The following DDX60L variants were observed in gnomAD, a reference collection of about 807,000 sequenced individuals.
DDX60L encodes the protein DExD/H-box 60 like.
In DDX60L, 191 loss-of-function variants were observed where a neutral mutation model predicts 211.6. The observed-to-expected ratio is 0.90, with a 90% confidence interval of 0.80 to 1.02. DDX60L has a LOEUF of 1.02. Among genes scored for constraint, DDX60L ranks in the 50% least tolerant of loss-of-function variants. The pLI, the probability that DDX60L is intolerant of heterozygous loss-of-function variation, is 0.00. For synonymous variants in DDX60L, 706 were observed against 694.1 expected, an observed-to-expected ratio of 1.02 and a Z score of -0.27; for missense variants, 2,007 against 1,984.1, an observed-to-expected ratio of 1.01 and a Z score of -0.22.
chr4:168,388,120 T>C (rs942841319), intron 29 of DDX60L, among the ~76,000 whole-genome samples: 1 of 152,210 alleles, frequency 6.6e-6, no homozygotes, highest in Non-Finnish European at 1.5e-5. Context: ...CTATTTGAGA[T>C]ACAAATTCCT....
intron 36 of DDX60L, among the ~76,000 whole-genome samples, chr4:168,364,992 AAC>A (rs1180791957): frequency 3.3e-5 from 5 of 152,354 alleles, no homozygotes; most frequent in Non-Finnish European, 7.3e-5. Context: ...TGAGAATGGA[AAC>A]ACATTATAAC....
chr4:168,404,339 T>C (rs1747368027), intron 24 of DDX60L, among the ~76,000 whole-genome samples: 1 of 151,938 alleles, frequency 6.6e-6, no homozygotes, highest in African/African-American at 2.4e-5. Flanking sequence ...TATATGATAT[T>C]TTGTAGGTAC....
chr4:168,366,587 C>T (rs1740031205), intron 36 of DDX60L, among the ~76,000 whole-genome samples: 1 of 150,764 alleles, frequency 6.6e-6, no homozygotes, highest in Non-Finnish European at 1.5e-5. Context: ...ATACAATCTC[C>T]ATTAAAATAC....
At chr4:168,411,411 G>A (rs1253912205) in intron 22 of DDX60L, among the ~76,000 whole-genome samples, 1 of 152,156 alleles carries the variant, frequency 6.6e-6, no homozygotes, top group East Asian at 1.9e-4. Context: ...CTGTGCACTT[G>A]GAAGAGGGAA....
intron 10 of DDX60L, among the ~76,000 whole-genome samples, chr4:168,436,065 A>T (rs1042327602): frequency 1.3e-5 from 2 of 152,186 alleles, no homozygotes; most frequent in African/African-American, 4.8e-5. Flanking sequence ...TCCTACAATA[A>T]AAAATAAAGT....
At chr4:168,360,994 C>T (rs941020686) in intron 37 of DDX60L, among the ~76,000 whole-genome samples, 155 bp downstream of exon 37, 1 of 152,172 alleles carries the variant, frequency 6.6e-6, no homozygotes, top group African/African-American at 2.4e-5. Context: ...GTCTACAGAG[C>T]CTTTGGATAG....
chr4:168,423,788 C>T lies in DDX60L; in HGVS notation c.1931-14G>A, dbSNP rs1432989908. On this transcript the variant is annotated splice_polypyrimidine_tract_variant and intron_variant, in intron 14 of 37. Coordinates refer to ENST00000682922, the MANE Select transcript of DDX60L (RefSeq NM_001012967.3). ...TCGAAATTTTGCCTTGTTAAAGAAA[C>T]AATAAAATTGTTATAAAGAACACCA... The T allele has an allele frequency of 1.3e-6, 2 of 1,528,930 alleles. No individual in the cohort carries two copies. Among genetic ancestry groups the T allele is most frequent in the East Asian group, 2.3e-5 (1 of 42,876 alleles). 94.7% of individuals were successfully genotyped at this position (1,528,930 alleles called of 1,614,324 possible).
chr4:168,389,462 G>A (rs1744434514), intron 29 of DDX60L, among the ~76,000 whole-genome samples: 1 of 152,080 alleles, frequency 6.6e-6, no homozygotes, highest in Admixed American at 6.5e-5. Context: ...GCTGTGCTAG[G>A]AAAAATCACA....
intron 13 of DDX60L, among the ~76,000 whole-genome samples, chr4:168,429,285 C>T (rs762848258): frequency 1.4e-4 from 22 of 152,112 alleles, no homozygotes; most frequent in Non-Finnish European, 2.9e-4. Context: ...GCTGGGATTA[C>T]AGGCACCCGC....
intron 9 of DDX60L, 83 bp downstream of exon 9, chr4:168,448,555 T>C: frequency 1.9e-6 from 2 of 1,039,850 alleles, no homozygotes; most frequent in Non-Finnish European, 1.4e-6. Context: ...AACAAAAATG[T>C]TGCTGTGGTA....
chr4:168,391,706 C>A, intron 28 of DDX60L, 62 bp from the exon 29 acceptor site: 2 of 851,696 alleles, frequency 2.3e-6, no homozygotes, highest in South Asian at 4.0e-5. Flanking sequence ...GACACAAGAT[C>A]TATTTTCCAC....
intron 13 of DDX60L, among the ~76,000 whole-genome samples, chr4:168,427,915 T>C (rs2149918016): frequency 6.6e-6 from 1 of 152,342 alleles, no homozygotes; most frequent in Admixed American, 6.5e-5. Context: ...GTGTGGAGGC[T>C]GCTCCTAGGC....
rs1246210931 is a variant in DDX60L at position 168,391,630 on chromosome 4, A to G, written c.3825T>C (p.Thr1275=). 6 of 1,554,480 alleles carry G rather than the reference A, an allele frequency of 3.9e-6. No individual in the cohort carries two copies. In the African/African-American group the frequency reaches 6.9e-5, roughly 18 times the overall value. ...VKGLIRVVTA[T]ETLALGIHMP... ...TGTGGATCCCTAAGGCAAGTGTTTCAGTAGCTGTCACTACCTAGGAAAAAA... is the reference window on the plus strand; with the variant it reads ...TGTGGATCCCTAAGGCAAGTGTTTCGGTAGCTGTCACTACCTAGGAAAAAA... The change falls in exon 29 of 38, where the codon ACT becomes ACC. Residue 1275 remains threonine, a synonymous_variant. Coordinates refer to ENST00000682922, the MANE Select transcript of DDX60L (RefSeq NM_001012967.3).
intron 24 of DDX60L, among the ~76,000 whole-genome samples, chr4:168,405,083 A>C (rs1747506908): frequency 6.6e-6 from 1 of 150,914 alleles, no homozygotes; most frequent in African/African-American, 2.4e-5. Context: ...ATCTTGGCTC[A>C]CTGCAACCTC....
At chr4:168,386,393 C>T (rs1307673417) in intron 29 of DDX60L, among the ~76,000 whole-genome samples, 3 of 151,976 alleles carry the variant, frequency 2.0e-5, no homozygotes, top group Non-Finnish European at 4.4e-5. Flanking sequence ...TGAAAGGCTT[C>T]GTGGAAGAGG....
At chr4:168,470,940 G>A (rs7680471) in intron 4 of DDX60L, 51,018 of 176,702 alleles carry the variant, frequency 0.29, 7,843 homozygotes, top group African/African-American at 0.4. Context: ...AGGATGGACT[G>A]GGCAGGGGCA....
intron 5 of DDX60L, among the ~76,000 whole-genome samples, chr4:168,459,145 A>G (rs1441169571): frequency 6.6e-6 from 1 of 152,094 alleles, no homozygotes; most frequent in Non-Finnish European, 1.5e-5. Context: ...ATACTTATAG[A>G]TAATGAATTA....
At chr4:168,424,783 C>G (rs1472151121) in intron 14 of DDX60L, among the ~76,000 whole-genome samples, 1 of 151,942 alleles carries the variant, frequency 6.6e-6, no homozygotes, top group Non-Finnish European at 1.5e-5. Flanking sequence ...CATTCTCACC[C>G]AATGCTTTCT....
intron 26 of DDX60L, among the ~76,000 whole-genome samples, chr4:168,396,733 G>A (rs1360936248): frequency 6.6e-6 from 1 of 151,098 alleles, no homozygotes; most frequent in East Asian, 2.0e-4. Flanking sequence ...AGAAGACCTG[G>A]AGCTCCGACA....
Sources: allele counts gnomAD v4.1 joint callset (sites outside exome capture counted in the v4.1 genomes callset), GRCh38; gene constraint gnomAD v4.1.1; transcripts MANE v1.5; gene names NCBI Gene and HGNC (gene_info 2026-07-23, HGNC 2026-07-21).